The following SLC9A5 variants were observed in gnomAD, a reference collection of about 807,000 sequenced individuals.
SLC9A5 encodes the protein sodium/hydrogen exchanger 5.
SLC9A5 carries 52 observed loss-of-function variants against 91.7 expected under a neutral mutation model. That is an observed-to-expected ratio of 0.57 (90% CI 0.45 to 0.71). The LOEUF is 0.71. Among genes scored for constraint, SLC9A5 ranks in the 30% least tolerant of loss-of-function variants. The pLI is 0.00. For missense variants in SLC9A5, 871 were observed against 1,158.9 expected, an observed-to-expected ratio of 0.75 and a Z score of 3.61; for synonymous variants, 419 against 474.5, an observed-to-expected ratio of 0.88 and a Z score of 1.52.
In SLC9A5 at chr16:67,252,877, C is replaced by T. The variant is rs778517933; in HGVS notation, c.490+33C>T. On this transcript the variant is annotated intron_variant, in intron 2 of 15. Coordinates refer to ENST00000299798, the MANE Select transcript of SLC9A5 (RefSeq NM_004594.3). The surrounding 1 kb of genome is among the most constrained non-coding windows in gnomAD (Gnocchi z 4.0). ...ACCCTAAGACCTGGGCTTTGCCAGA[C>T]CCATCACCCCTCTCCCTTCTCCTCA... 2.5e-6 allele frequency: 4 copies of T among 1,570,784 alleles called. No homozygotes were observed. Among genetic ancestry groups the T allele is most frequent in the Non-Finnish European group, 2.6e-6 (3 of 1,156,144 alleles).
rs561325904 is a variant in SLC9A5, at chr16:67,266,023, G to A, written c.2081-65G>A. 8.2e-6 allele frequency: 13 copies of A among 1,592,500 alleles called. No homozygotes were observed. The African/African-American group carries it at 1.6e-4, about 20-fold the overall frequency. On this transcript the variant is annotated intron_variant, in intron 14 of 15. Transcript: ENST00000299798. Reference sequence around the variant, plus strand: ...TAGGGAGACAGGGAGCTGGCTTGGGGCTGTGTAGTCCCAACAGGCAGCTGC... The same window carrying A: ...TAGGGAGACAGGGAGCTGGCTTGGGACTGTGTAGTCCCAACAGGCAGCTGC...
At chr16:67,260,734 T>C (rs2035506335) in intron 12 of SLC9A5, among the ~76,000 whole-genome samples, 1 of 152,194 alleles carries the variant, frequency 6.6e-6, no homozygotes, top group East Asian at 1.9e-4. Flanking sequence ...CAGCTTAGCC[T>C]GTGGAAGGTG....
chr16:67,254,979 C>A, intron 2 of SLC9A5, 42 bp from the exon 3 acceptor site: 1 of 1,580,732 alleles, frequency 6.3e-7, no homozygotes, highest in Non-Finnish European at 8.6e-7. Flanking sequence ...GAGACTGGGT[C>A]GTCTTCAATG....
chr16:67,259,551 A>C, intron 10 of SLC9A5, 22 bp from the exon 11 acceptor site: 1 of 1,598,564 alleles, frequency 6.3e-7, no homozygotes, highest in Non-Finnish European at 8.6e-7. Flanking sequence ...TTGCTGGCTG[A>C]CCTTGGTCTT....
intron 13 of SLC9A5, 43 bp downstream of exon 13, chr16:67,264,565 A>T: frequency 6.2e-7 from 1 of 1,606,076 alleles, no homozygotes; most frequent in Non-Finnish European, 8.5e-7. Context: ...CTGGAGGCTG[A>T]CAGCAAGCAG....
chr16:67,249,036 C>T lies in SLC9A5; in HGVS notation c.22C>T (p.Leu8=). Reference sequence around the variant, plus strand: ...CAGGATGCTGCGCGCCGCCCTGTCCCTGCTCGCGCTGCCCCTGGCGGGGGC... The same window carrying T: ...CAGGATGCTGCGCGCCGCCCTGTCCTTGCTCGCGCTGCCCCTGGCGGGGGC... MLRAALS[L]LALPLAGAAE... is the part of the protein sequence containing the mutation. Residue 8 remains leucine (L), a synonymous_variant, in exon 1 of 16, where the codon CTG becomes TTG. Coordinates refer to ENST00000299798, the MANE Select transcript of SLC9A5 (RefSeq NM_004594.3). 8 of 1,492,660 alleles carry T rather than the reference C, an allele frequency of 5.4e-6. No homozygotes were observed. The highest frequency in any genetic ancestry group is 5.3e-6 in the Non-Finnish European group (6 of 1,126,978). 92.5% of individuals were successfully genotyped at this position (1,492,660 alleles called of 1,614,324 possible).
intron 14 of SLC9A5, among the ~76,000 whole-genome samples, chr16:67,265,841 G>A (rs567508283): frequency 6.6e-6 from 1 of 152,340 alleles, no homozygotes; most frequent in South Asian, 2.1e-4. Flanking sequence ...GCTGGAAAGT[G>A]TGGTCCTCAT....
At position 67,258,480 on chromosome 16, in the gene SLC9A5, G is replaced by T. The variant is rs1313688113; in HGVS notation, c.1626+33G>T. ...AGCAGCTTCCAGGTGGGCCAGTGGT[G>T]GGTGGGCAGATGGTCAGCAGAGCAG... is the stretch of plus-strand genomic sequence containing the variant. On this transcript the variant is annotated intron_variant, in intron 10 of 15. Coordinates refer to ENST00000299798, the MANE Select transcript of SLC9A5 (RefSeq NM_004594.3). This position sits in a 1 kb window ranked among gnomAD's most constrained non-coding sequence, Gnocchi z 4.5. 5 of 1,613,264 alleles carry T rather than the reference G, an allele frequency of 3.1e-6. No individual in the cohort carries two copies. The highest frequency in any genetic ancestry group is 4.2e-6 in the Non-Finnish European group (5 of 1,179,664).
At position 67,256,616 on chromosome 16, in the gene SLC9A5, C is replaced by T; in HGVS notation, c.1059C>T (p.Asp353=). 6.2e-7 allele frequency: 1 copy of T among 1,614,108 alleles called. No homozygotes were observed. Among genetic ancestry groups the T allele is most frequent in the Non-Finnish European group, 8.5e-7 (1 of 1,180,004 alleles). Residue 353 remains aspartate (D), a synonymous_variant, in exon 6 of 16, where the codon GAC becomes GAT. Coordinates refer to ENST00000299798, the MANE Select transcript of SLC9A5 (RefSeq NM_004594.3). This position sits in a 1 kb window ranked among gnomAD's most constrained non-coding sequence, Gnocchi z 4.1. ...TGCTGCTTGGCATCTCAGCCGTGGA[C>T]TCTTCTAAGTGGGCCTGGGATTCTG... ...IFMLLGISAV[D]SSKWAWDSGL... is the part of the protein sequence containing the mutation.
rs372880688 is a variant in SLC9A5, at chr16:67,271,061, G to T, written c.2542G>T (p.Ala848Ser). 1.1e-4 allele frequency: 177 copies of T among 1,611,940 alleles called. No homozygotes were observed. The highest frequency in any genetic ancestry group is 1.5e-4 in the Non-Finnish European group (174 of 1,178,530). Residue 848 changes from alanine to serine, a missense_variant, in exon 16 of 16, where the codon GCT becomes TCT. This residue lies in a region of SLC9A5 where 295 missense variants were observed against 326.0 expected (regional missense o/e 0.90). Transcript: ENST00000299798. Reference sequence around the variant, plus strand: ...CGCCTTCCCACCGAGCCTGGCCAAGGCTGGCCGCTCTCGCAGTGAGAGCAG... The same window carrying T: ...CGCCTTCCCACCGAGCCTGGCCAAGTCTGGCCGCTCTCGCAGTGAGAGCAG... ...SFAFPPSLAK[A>S]GRSRSESSAD... is the part of the protein sequence containing the mutation.
Position 67,256,421 on chromosome 16 carries a change from C to A in SLC9A5, c.912-48C>A, listed in dbSNP as rs1426400562. The A allele has an allele frequency of 3.0e-6, 4 of 1,338,842 alleles. No individual in the cohort carries two copies. Among genetic ancestry groups the A allele is most frequent in the Non-Finnish European group, 4.2e-6 (4 of 941,608 alleles). The allele number at this position is 1,338,842 out of a possible 1,614,324, so 82.9% of individuals were successfully genotyped here. On this transcript the variant is annotated intron_variant, in intron 5 of 15. Coordinates refer to ENST00000299798, the MANE Select transcript of SLC9A5 (RefSeq NM_004594.3). The surrounding 1 kb of genome is among the most constrained non-coding windows in gnomAD (Gnocchi z 4.1). The stretch of plus-strand genomic sequence containing the variant: ...GTATGCTCAAACCCTGGAGGCTGAG[C>A]CCCCTGGAACCCTTCCCCACTTGCC...
At position 67,249,058 on chromosome 16, in the gene SLC9A5, G is replaced by A. The variant is rs1455515919; in HGVS notation, c.44G>A (p.Gly15Glu). ...TCCCTGCTCGCGCTGCCCCTGGCGG[G>A]GGCGGCCGAAGAGCCCACCCAGAAG... ...ALSLLALPLA[G>E]AAEEPTQKPE... The change falls in exon 1 of 16, where the codon GGG becomes GAG. Residue 15 changes from glycine to glutamate, a missense_variant. This residue lies in a region of SLC9A5 where 122 missense variants were observed against 114.5 expected (regional missense o/e 1.07). Coordinates refer to ENST00000299798, the MANE Select transcript of SLC9A5 (RefSeq NM_004594.3). 2 of 1,508,864 alleles carry A rather than the reference G, an allele frequency of 1.3e-6. No homozygotes were observed. Among genetic ancestry groups the A allele is most frequent in the Non-Finnish European group, 1.8e-6 (2 of 1,135,310 alleles). The allele number at this position is 1,508,864 out of a possible 1,614,324, so 93.5% of individuals were successfully genotyped here.
intron 1 of SLC9A5, among the ~76,000 whole-genome samples, chr16:67,249,964 G>C (rs2035050411): frequency 6.6e-6 from 1 of 152,142 alleles, no homozygotes. Context: ...CCTCCCTTCT[G>C]AGCAGCCAGT....
In SLC9A5 at chr16:67,258,360, G is replaced by GCGA. The variant is rs753608812; in HGVS notation, c.1543_1545dup (p.Arg515dup). 4 of 1,614,122 alleles carry GCGA rather than the reference G, an allele frequency of 2.5e-6. No individual in the cohort carries two copies. The highest frequency in any genetic ancestry group is 2.5e-6 in the Non-Finnish European group (3 of 1,179,978). ...AGAAATACCTGAGTCAGCTGCTGAT[G>GCGA]CGACGATCAGCCTACCGCATCCGGG... On this transcript the variant is annotated inframe_insertion, in exon 10 of 16. Transcript: ENST00000299798. The surrounding 1 kb of genome is among the most constrained non-coding windows in gnomAD (Gnocchi z 4.5).
chr16:67,258,531 G>A lies in SLC9A5; in HGVS notation c.1626+84G>A. 6.6e-7 allele frequency: 1 copy of A among 1,526,160 alleles called. No homozygotes were observed. The highest frequency in any genetic ancestry group is 9.0e-7 in the Non-Finnish European group (1 of 1,105,344). The allele number at this position is 1,526,160 out of a possible 1,614,324, so 94.5% of individuals were successfully genotyped here. A position where few individuals can be genotyped will look rare whatever the true frequency, so the allele number is the denominator to read the frequency against. ...GACAGAAAGGGGTGGCAAGCAGGCT[G>A]GCCCTGAGCAGGGAGTTGGGAATTC... On this transcript the variant is annotated intron_variant, in intron 10 of 15. Coordinates refer to ENST00000299798, the MANE Select transcript of SLC9A5 (RefSeq NM_004594.3). The surrounding 1 kb of genome is among the most constrained non-coding windows in gnomAD (Gnocchi z 4.5).
intron 14 of SLC9A5, 133 bp from the exon 15 acceptor site, chr16:67,265,955 G>A: frequency 8.3e-7 from 1 of 1,202,208 alleles, no homozygotes; most frequent in Non-Finnish European, 1.1e-6. Context: ...GCTTGAAACA[G>A]CCAGAGGAGA....
chr16:67,256,779 A>C lies in SLC9A5; in HGVS notation c.1132+90A>C, dbSNP rs2035334597. 3 of 1,355,150 alleles carry C rather than the reference A, an allele frequency of 2.2e-6. No homozygotes were observed. In the East Asian group the frequency reaches 6.9e-5, roughly 31 times the overall value. 83.9% of individuals were successfully genotyped at this position (1,355,150 alleles called of 1,614,324 possible). A position where few individuals can be genotyped will look rare whatever the true frequency, so the allele number is the denominator to read the frequency against. ...CCCTATCTGAGTCCACATCTTTGTC[A>C]ATTCCTAAGCCTCCTCTTGTTGCTC... On this transcript the variant is annotated intron_variant, in intron 6 of 15. Coordinates refer to ENST00000299798, the MANE Select transcript of SLC9A5 (RefSeq NM_004594.3). This position sits in a 1 kb window ranked among gnomAD's most constrained non-coding sequence, Gnocchi z 4.1.
chr16:67,253,419 C>G (rs2142342590), intron 2 of SLC9A5, among the ~76,000 whole-genome samples: 1 of 152,246 alleles, frequency 6.6e-6, no homozygotes, highest in Admixed American at 6.5e-5. Flanking sequence ...TTCATAGCAA[C>G]CCTTTTGTGT....
intron 1 of SLC9A5, among the ~76,000 whole-genome samples, chr16:67,250,317 G>T (rs957158974): frequency 6.6e-6 from 1 of 152,146 alleles, no homozygotes; most frequent in African/African-American, 2.4e-5. Flanking sequence ...TGGGGTTAAT[G>T]CATGAAGAGA....
Sources: gnomAD v4.1 joint callset for allele counts (sites outside exome capture counted in the v4.1 genomes callset) on GRCh38, gnomAD v4.1.1 for gene constraint, gnomAD v4.1.1 regional missense constraint, Gnocchi (gnomAD v3.1) non-coding constraint, MANE v1.5 for transcripts, NCBI Gene and HGNC (gene_info 2026-07-23, HGNC 2026-07-21) for gene names.